The following ARHGAP6 variants were observed in gnomAD, a reference collection of about 807,000 sequenced individuals.
The protein encoded by ARHGAP6 is rho GTPase-activating protein 6.
Under a neutral mutation model 55.7 loss-of-function variants are expected in ARHGAP6, and 16 were observed. That is an observed-to-expected ratio of 0.29 (90% CI 0.19 to 0.44). The LOEUF is 0.44. ARHGAP6 is among the 20% of genes least tolerant of loss of function. ARHGAP6 has a pLI of 1.00. For synonymous variants in ARHGAP6, 382 were observed against 360.9 expected, an observed-to-expected ratio of 1.06 and a Z score of -0.66; for missense variants, 698 against 808.9, an observed-to-expected ratio of 0.86 and a Z score of 1.66.
intron 1 of ARHGAP6, among the ~76,000 whole-genome samples, chrX:11,401,257 A>G (rs1393500629): frequency 3.6e-5 from 4 of 111,933 alleles, no homozygotes; most frequent in Non-Finnish European, 7.5e-5. Context: ...TTAGGTAAGT[A>G]TCACCTTGAG....
intron 2 of ARHGAP6, among the ~76,000 whole-genome samples, chrX:11,227,167 G>A (rs760494501): frequency 5.9e-4 from 66 of 111,454 alleles, no homozygotes; most frequent in African/African-American, 2.0e-3. Context: ...ACTTAAGGAT[G>A]ATCTGTACAC....
chrX:11,650,539 T>C (rs1353585610), intron 1 of ARHGAP6, among the ~76,000 whole-genome samples: 2 of 111,530 alleles, frequency 1.8e-5, no homozygotes, highest in Non-Finnish European at 3.8e-5. Flanking sequence ...CTCTCCTGCA[T>C]CCGGCTCTCC....
intron 1 of ARHGAP6, among the ~76,000 whole-genome samples, chrX:11,406,730 G>A (rs5935056): frequency 0.031 from 3,470 of 111,722 alleles, 54 homozygotes; most frequent in Middle Eastern, 0.093. Flanking sequence ...AGGCCAGACC[G>A]TGTTCACGTA....
intron 1 of ARHGAP6, among the ~76,000 whole-genome samples, chrX:11,262,210 G>A (rs2147500161): frequency 9.0e-6 from 1 of 111,192 alleles, no homozygotes; most frequent in South Asian, 3.8e-4. Context: ...ATTAAAAGAA[G>A]CAAACCAAAA....
intron 1 of ARHGAP6, among the ~76,000 whole-genome samples, chrX:11,420,047 G>C (rs1174659201): frequency 8.9e-6 from 1 of 112,193 alleles, no homozygotes; most frequent in Non-Finnish European, 1.9e-5. Context: ...ATTTGAAAGA[G>C]TCATGGCATC....
intron 1 of ARHGAP6, among the ~76,000 whole-genome samples, chrX:11,609,697 A>G (rs1290903445): frequency 8.9e-6 from 1 of 112,240 alleles, no homozygotes; most frequent in Non-Finnish European, 1.9e-5. Context: ...TGGAAAGGGC[A>G]TCAACAGCAT....
intron 6 of ARHGAP6, 123 bp downstream of exon 6, chrX:11,181,940 G>T: frequency 5.8e-6 from 3 of 520,828 alleles, no homozygotes; most frequent in Non-Finnish European, 6.2e-6. Flanking sequence ...TATTATAATA[G>T]CTTGGAGGGT....
chrX:11,408,679 T>C, intron 1 of ARHGAP6, among the ~76,000 whole-genome samples: 1 of 109,765 alleles, frequency 9.1e-6, no homozygotes, highest in Non-Finnish European at 1.9e-5. Context: ...AAATTGCCGT[T>C]CAGTGGGTGC....
chrX:11,286,513 C>A (rs763718799), intron 1 of ARHGAP6, among the ~76,000 whole-genome samples: 18 of 111,296 alleles, frequency 1.6e-4, no homozygotes, highest in African/African-American at 4.9e-4. Context: ...CACCCTGGGT[C>A]CAGGCACCCA....
intron 1 of ARHGAP6, among the ~76,000 whole-genome samples, chrX:11,439,019 A>G (rs1226100160): frequency 8.9e-6 from 1 of 112,528 alleles, no homozygotes; most frequent in Non-Finnish European, 1.9e-5. Flanking sequence ...ATTTCAGTTC[A>G]TGGTGAGTGC....
At position 11,458,714 on chromosome X, in the gene ARHGAP6, C is replaced by T. The variant is rs73500874; in HGVS notation, c.589-204007G>A. On this transcript the variant is annotated intron_variant, in intron 1 of 12. Coordinates refer to ENST00000337414, the MANE Select transcript of ARHGAP6 (RefSeq NM_013427.3). ...TTTTATTTAGCATGTATTTCCTGAG[C>T]GCTGATCATGTGCTAGGCATTGTTC... Among the ~76,000 whole-genome samples, 726 of 111,928 alleles carry T rather than the reference C, an allele frequency of 6.5e-3. 5 individuals are homozygous for T. The highest frequency in any genetic ancestry group is 0.022 in the African/African-American group (681 of 30,848).
At chrX:11,646,244 C>T (rs1339021521) in intron 1 of ARHGAP6, among the ~76,000 whole-genome samples, 1 of 111,412 alleles carries the variant, frequency 9.0e-6, no homozygotes, top group Non-Finnish European at 1.9e-5. Flanking sequence ...ATGTAATACC[C>T]ATGGGTATTA....
chrX:11,394,731 T>G (rs970956272), intron 1 of ARHGAP6, among the ~76,000 whole-genome samples: 1 of 110,749 alleles, frequency 9.0e-6, no homozygotes, highest in Non-Finnish European at 1.9e-5. Context: ...TTGTTACTAC[T>G]TATTTAGTAT....
chrX:11,599,678 G>C (rs1254060899), intron 1 of ARHGAP6, among the ~76,000 whole-genome samples: 2 of 111,736 alleles, frequency 1.8e-5, no homozygotes, highest in Non-Finnish European at 3.8e-5. Context: ...AGTTATGCCA[G>C]ATCAGTAAAT....
At chrX:11,598,496 C>T (rs2051929834) in intron 1 of ARHGAP6, among the ~76,000 whole-genome samples, 1 of 111,701 alleles carries the variant, frequency 9.0e-6, no homozygotes, top group African/African-American at 3.3e-5. Flanking sequence ...ATCCATACCC[C>T]CTCCTTTCCT....
chrX:11,370,243 T>A (rs1336574530), intron 1 of ARHGAP6, among the ~76,000 whole-genome samples: 1 of 112,662 alleles, frequency 8.9e-6, no homozygotes, highest in Non-Finnish European at 1.9e-5. Context: ...GGTAGCAGAA[T>A]TCCAAGTATT....
intron 1 of ARHGAP6, among the ~76,000 whole-genome samples, chrX:11,418,313 G>A (rs925989588): frequency 4.5e-5 from 5 of 111,832 alleles, no homozygotes; most frequent in Non-Finnish European, 7.5e-5. Flanking sequence ...GGTACAGGGC[G>A]GTTTAACTGC....
rs774205921 is a variant in ARHGAP6, at chrX:11,186,261, G to A, written c.1248C>T (p.Ser416=). The A allele has an allele frequency of 8.3e-7, 1 of 1,210,607 alleles. No homozygotes were observed. The highest frequency in any genetic ancestry group is 1.1e-6 in the Non-Finnish European group (1 of 894,693). ...IYRQVPRLVD[S]CCQHLEKHGL... ...CATGTTTTTCTAGGTGCTGACAGCAGCTGTCCACCAGCCTAGGGACCTGTC... is the reference window on the plus strand; with the variant it reads ...CATGTTTTTCTAGGTGCTGACAGCAACTGTCCACCAGCCTAGGGACCTGTC... The change falls in exon 5 of 13, where the codon AGC becomes AGT. Residue 416 remains serine, a synonymous_variant. Coordinates refer to ENST00000337414, the MANE Select transcript of ARHGAP6 (RefSeq NM_013427.3).
intron 2 of ARHGAP6, among the ~76,000 whole-genome samples, chrX:11,231,435 C>A (rs1187371440): frequency 8.9e-6 from 1 of 111,898 alleles, no homozygotes; most frequent in African/African-American, 3.3e-5. Context: ...GAAATTTTGC[C>A]CACAGACCAG....
Sources: allele counts gnomAD v4.1 joint callset (sites outside exome capture counted in the v4.1 genomes callset), GRCh38; gene constraint gnomAD v4.1.1; transcripts MANE v1.5; gene names NCBI Gene and HGNC (gene_info 2026-07-23, HGNC 2026-07-21).